Variants in RANBP17 observed in about 807,000 individuals in gnomAD.
The protein encoded by RANBP17 is RAN binding protein 17.
A neutral mutation model predicts 141.2 loss-of-function variants in RANBP17; 158 were observed. The observed-to-expected ratio is 1.12, with a 90% CI of 0.98 to 1.28. The LOEUF (loss-of-function observed/expected upper bound fraction) is 1.28, where lower values mean the gene tolerates loss of function less well. Among genes scored for constraint, RANBP17 ranks in the 50% most tolerant of loss-of-function variants. The pLI, the probability that RANBP17 is intolerant of heterozygous loss-of-function variation, is 0.00. For missense variants in RANBP17, 1,438 were observed against 1,290.7 expected (o/e 1.11, Z -1.75); for synonymous variants, 430 against 450.0 (o/e 0.96, Z 0.56).
At chr5:171,203,282 G>A (rs1250862299) in intron 19 of RANBP17, among the ~76,000 whole-genome samples, 2 of 152,118 alleles carry the variant, frequency 1.3e-5, no homozygotes, top group Non-Finnish European at 1.5e-5. Flanking sequence ...CACCTCTTAC[G>A]CTCAAATTAC....
chr5:171,110,166 A>C (rs1302371713), intron 14 of RANBP17, among the ~76,000 whole-genome samples: 4 of 151,928 alleles, frequency 2.6e-5, no homozygotes, highest in Non-Finnish European at 5.9e-5. Context: ...TTCAGATTCC[A>C]ACTCTGTTAC....
intron 14 of RANBP17, among the ~76,000 whole-genome samples, chr5:170,998,767 G>T (rs1326187001): frequency 6.6e-6 from 1 of 152,120 alleles, no homozygotes; most frequent in Non-Finnish European, 1.5e-5. Context: ...GAGGGATACA[G>T]TTCTTAGGGC....
chr5:171,114,561 A>G (rs1184194170), intron 14 of RANBP17, among the ~76,000 whole-genome samples: 1 of 151,682 alleles, frequency 6.6e-6, no homozygotes, highest in Non-Finnish European at 1.5e-5. Context: ...CAACTGGTAT[A>G]TCACTACCTC....
intron 14 of RANBP17, among the ~76,000 whole-genome samples, chr5:171,034,035 C>T (rs1444223724): frequency 6.6e-6 from 1 of 152,040 alleles, no homozygotes; most frequent in East Asian, 1.9e-4. Context: ...TCATTTGAGC[C>T]CAGGAGTTTG....
chr5:171,065,297 TG>T (rs1297201289), intron 14 of RANBP17, among the ~76,000 whole-genome samples: 1 of 150,892 alleles, frequency 6.6e-6, no homozygotes, highest in African/African-American at 2.4e-5. Flanking sequence ...TTCCACAGAA[TG>T]GGGGGGTGGG....
chr5:170,915,333 C>A (rs1033649466), intron 8 of RANBP17, among the ~76,000 whole-genome samples: 4 of 152,066 alleles, frequency 2.6e-5, no homozygotes, highest in African/African-American at 9.7e-5. Context: ...TGATAAAAAT[C>A]CCTACTATGT....
rs1554141333 is a variant in RANBP17 at position 170,955,681 on chromosome 5, T to TACACAC, written c.1574+1983_1574+1984insACACAC. On this transcript the variant is annotated intron_variant, in intron 13 of 27. Coordinates refer to ENST00000523189, the MANE Select transcript of RANBP17 (RefSeq NM_022897.5). ...ATATATATATATATATATATATATA[T>TACACAC]ACACTGAATGAACTCTGTAGAGGAA... is the stretch of plus-strand genomic sequence containing the variant. Among the ~76,000 whole-genome samples the TACACAC allele has an allele frequency of 7.4e-3, 288 of 38,912 alleles. 26 individuals are homozygous for TACACAC. The highest frequency in any genetic ancestry group is 0.018 in the East Asian group (18 of 990). The allele number at this position is 38,912 out of a possible 152,430, so 25.5% of individuals were successfully genotyped here. A position where few individuals can be genotyped will look rare whatever the true frequency, so the allele number is the denominator to read the frequency against.
At chr5:171,276,918 T>A (rs1767520330) in intron 25 of RANBP17, among the ~76,000 whole-genome samples, 1 of 82,220 alleles carries the variant, frequency 1.2e-5, no homozygotes, top group African/African-American at 4.8e-5. Context: ...AAATGTATCT[T>A]AAAAAAAAAA....
At chr5:171,141,802 G>T (rs1428728470) in intron 14 of RANBP17, among the ~76,000 whole-genome samples, 1 of 151,994 alleles carries the variant, frequency 6.6e-6, no homozygotes, top group African/African-American at 2.4e-5. Context: ...TTTTATGATT[G>T]CATCCTTATT....
chr5:171,070,030 G>T (rs1456828563), intron 14 of RANBP17, among the ~76,000 whole-genome samples: 2 of 152,084 alleles, frequency 1.3e-5, no homozygotes, highest in Non-Finnish European at 2.9e-5. Context: ...TTGTAACTCA[G>T]TACACAAAAT....
chr5:171,220,700 G>A (rs571610581), intron 21 of RANBP17, among the ~76,000 whole-genome samples: 2 of 152,028 alleles, frequency 1.3e-5, no homozygotes, highest in African/African-American at 4.8e-5. Flanking sequence ...CACCCATCTC[G>A]GCTTCCCAAA....
intron 12 of RANBP17, among the ~76,000 whole-genome samples, chr5:170,928,072 T>C (rs1773070511): frequency 6.6e-6 from 1 of 152,160 alleles, no homozygotes; most frequent in Non-Finnish European, 1.5e-5. Flanking sequence ...TCTAGTGTTA[T>C]CTCACTGTGG....
intron 16 of RANBP17, among the ~76,000 whole-genome samples, chr5:171,179,155 G>A (rs1221335794): frequency 6.6e-6 from 1 of 150,926 alleles, no homozygotes; most frequent in Non-Finnish European, 1.5e-5. Context: ...TATGGTTTTA[G>A]GTCTTATGTT....
intron 14 of RANBP17, among the ~76,000 whole-genome samples, chr5:171,169,243 A>G (rs139450694): frequency 1.9e-4 from 29 of 152,300 alleles, no homozygotes; most frequent in Admixed American, 6.5e-4. Flanking sequence ...TAGGCAGATT[A>G]GGAGAAAGTG....
At chr5:171,250,126 A>G (rs1308819365) in intron 24 of RANBP17, among the ~76,000 whole-genome samples, 1 of 152,216 alleles carries the variant, frequency 6.6e-6, no homozygotes, top group African/African-American at 2.4e-5. Context: ...ACAGAAAGAA[A>G]AACTGGCCAA....
chr5:171,274,250 A>C (rs1767358399), intron 25 of RANBP17, among the ~76,000 whole-genome samples: 1 of 152,064 alleles, frequency 6.6e-6, no homozygotes, highest in Admixed American at 6.5e-5. Flanking sequence ...CAGGTAATAA[A>C]AGTCCAAAAG....
At chr5:171,035,175 A>C (rs909727647) in intron 14 of RANBP17, among the ~76,000 whole-genome samples, 2 of 152,208 alleles carry the variant, frequency 1.3e-5, no homozygotes, top group African/African-American at 4.8e-5. Flanking sequence ...AATCTAAATA[A>C]AGTGCAGGAC....
intron 14 of RANBP17, among the ~76,000 whole-genome samples, chr5:171,057,119 T>C (rs946235235): frequency 6.6e-6 from 1 of 152,184 alleles, no homozygotes; most frequent in East Asian, 1.9e-4. Flanking sequence ...TTACAGCTTT[T>C]GTGAAAGAGC....
At chr5:171,094,337 T>G (rs1264360071) in intron 14 of RANBP17, among the ~76,000 whole-genome samples, 2 of 152,072 alleles carry the variant, frequency 1.3e-5, no homozygotes, top group Non-Finnish European at 2.9e-5. Context: ...TACATTTTCT[T>G]TAGTAAAAAT....
Sources: gnomAD v4.1 joint callset for allele counts (sites outside exome capture counted in the v4.1 genomes callset) on GRCh38, gnomAD v4.1.1 for gene constraint, MANE v1.5 for transcripts, NCBI Gene and HGNC (gene_info 2026-07-23, HGNC 2026-07-21) for gene names.